The following ANKS1B variants were observed in gnomAD, a reference collection of about 807,000 sequenced individuals.
ANKS1B encodes the protein ankyrin repeat and sterile alpha motif domain-containing protein 1B.
In ANKS1B, 36 loss-of-function variants were observed where a neutral mutation model predicts 148.3. The observed-to-expected ratio is 0.24, with a 90% CI of 0.19 to 0.32. The LOEUF is 0.32. Ranked by LOEUF, ANKS1B falls within the 10% of genes least tolerant of loss-of-function variation. The pLI is 1.00. For missense variants in ANKS1B, 1,157 were observed against 1,542.6 expected (o/e 0.75, Z 4.19); for synonymous variants, 542 against 560.8 (o/e 0.97, Z 0.47).
chr12:99,511,407 A>T (rs1181073900), intron 9 of ANKS1B, among the ~76,000 whole-genome samples: 1 of 152,058 alleles, frequency 6.6e-6, no homozygotes. Context: ...GTTCAAGGAA[A>T]TCAGAGATGA....
intron 17 of ANKS1B, among the ~76,000 whole-genome samples, chr12:98,889,654 T>C (rs1350780804): frequency 6.6e-6 from 1 of 152,220 alleles, no homozygotes; most frequent in African/African-American, 2.4e-5. Context: ...CTTCAGGGCA[T>C]TTTTAAGAGC....
At chr12:99,295,163 G>A (rs2080691126) in intron 12 of ANKS1B, among the ~76,000 whole-genome samples, 1 of 152,134 alleles carries the variant, frequency 6.6e-6, no homozygotes, top group African/African-American at 2.4e-5. Flanking sequence ...ATTTTCCAAA[G>A]TGATTATACC....
chr12:99,528,426 C>CAAAAAAAAAAAAAAAAAAA (rs755022528), intron 9 of ANKS1B, among the ~76,000 whole-genome samples: 2 of 117,052 alleles, frequency 1.7e-5, no homozygotes, highest in East Asian at 5.7e-4. Flanking sequence ...AGAACAAAAA[C>CAAAAAAAAAAAAAAAAAAA]AAAAACAAAA....
At chr12:99,830,407 C>T (rs947473783) in intron 1 of ANKS1B, among the ~76,000 whole-genome samples, 3 of 151,784 alleles carry the variant, frequency 2.0e-5, no homozygotes, top group East Asian at 1.9e-4. Context: ...GAATATTTTA[C>T]GGAAAACTCA....
At chr12:99,649,288 G>C in intron 9 of ANKS1B, 1 of 1,612,436 alleles carries the variant, frequency 6.2e-7, no homozygotes, top group Non-Finnish European at 8.5e-7. Flanking sequence ...CTCTCCCTAG[G>C]GATATGCCAT....
intron 10 of ANKS1B, among the ~76,000 whole-genome samples, chr12:99,494,314 G>A (rs1458809453): frequency 6.6e-6 from 1 of 152,140 alleles, no homozygotes. Context: ...GAGAGCACGG[G>A]AATAAAGAGA....
chr12:99,807,644 T>C lies in ANKS1B; in HGVS notation c.373-944A>G, dbSNP rs114264319. Among the ~76,000 whole-genome samples, 405 of 152,300 alleles carry C rather than the reference T, an allele frequency of 2.7e-3. 1 individual carries two copies. The highest frequency in any genetic ancestry group is 8.7e-3 in the African/African-American group (362 of 41,556). On this transcript the variant is annotated intron_variant, in intron 3 of 26. Coordinates refer to ENST00000683438, the MANE Select transcript of ANKS1B (RefSeq NM_001352186.2). The stretch of plus-strand genomic sequence containing the variant: ...ATGTACTAGACATAGTTGCATTTTA[T>C]ATATGTTTACTCATTTAATCCTCAT...
At chr12:99,077,918 A>T (rs919013336) in intron 16 of ANKS1B, among the ~76,000 whole-genome samples, 4 of 152,204 alleles carry the variant, frequency 2.6e-5, no homozygotes, top group African/African-American at 9.7e-5. Context: ...GATTCTCTTC[A>T]TCTATGACAT....
chr12:99,542,051 C>T (rs2097131184), intron 9 of ANKS1B, among the ~76,000 whole-genome samples: 1 of 152,066 alleles, frequency 6.6e-6, no homozygotes, highest in South Asian at 2.1e-4. Flanking sequence ...CAACATTGTA[C>T]TGAAGGTTCT....
At chr12:99,819,802 AAAG>A (rs2153676613) in intron 2 of ANKS1B, among the ~76,000 whole-genome samples, 1 of 151,716 alleles carries the variant, frequency 6.6e-6, no homozygotes, top group African/African-American at 2.4e-5. Context: ...TAATGGATGA[AAAG>A]AAGAGAGGAG....
chr12:99,191,794 T>G (rs1472772493), intron 14 of ANKS1B, among the ~76,000 whole-genome samples: 1 of 152,126 alleles, frequency 6.6e-6, no homozygotes, highest in African/African-American at 2.4e-5. Context: ...TATACCTATG[T>G]AACAAACCTG....
At chr12:98,791,485 G>A (rs2098851701) in intron 22 of ANKS1B, among the ~76,000 whole-genome samples, 1 of 152,192 alleles carries the variant, frequency 6.6e-6, no homozygotes, top group South Asian at 2.1e-4. Context: ...TATTCACTAT[G>A]ACTCACGCAG....
At chr12:99,630,780 CT>C (rs1342948327) in intron 9 of ANKS1B, among the ~76,000 whole-genome samples, 1 of 152,186 alleles carries the variant, frequency 6.6e-6, no homozygotes, top group Non-Finnish European at 1.5e-5. Context: ...TGCCTTGGGA[CT>C]CTACAGCACG....
chr12:99,819,464 T>C (rs2082254384), intron 2 of ANKS1B, among the ~76,000 whole-genome samples: 1 of 151,828 alleles, frequency 6.6e-6, no homozygotes, highest in Admixed American at 6.6e-5. Flanking sequence ...GATAGCTTAT[T>C]ATATGGATTC....
In ANKS1B at chr12:98,744,489, A is replaced by G. The variant is rs989316370; in HGVS notation, c.*1250T>C. 4 of 623,206 alleles carry G rather than the reference A, an allele frequency of 6.4e-6. No homozygotes were observed. The highest frequency in any genetic ancestry group is 2.0e-5 in the African/African-American group (1 of 50,304). 38.6% of individuals were successfully genotyped at this position (623,206 alleles called of 1,614,324 possible). On this transcript the variant is annotated 3_prime_UTR_variant, in exon 27 of 27. Transcript: ENST00000683438. ...CATTAAAATGTTATTTTTTTCTATA[A>G]TGATATTGGTACTGTTTATATAATT...
intron 12 of ANKS1B, among the ~76,000 whole-genome samples, chr12:99,393,189 T>TA (rs1184736675): frequency 4.6e-5 from 7 of 151,972 alleles, no homozygotes; most frequent in South Asian, 2.1e-4. Flanking sequence ...CACCTCTATT[T>TA]AAAAAAAACT....
At chr12:99,830,491 C>A (rs538320359) in intron 1 of ANKS1B, among the ~76,000 whole-genome samples, 1 of 151,996 alleles carries the variant, frequency 6.6e-6, no homozygotes, top group Admixed American at 6.6e-5. Context: ...ATAATGGGAT[C>A]TACATACTAC....
At chr12:99,045,120 A>G (rs1210506807) in intron 17 of ANKS1B, among the ~76,000 whole-genome samples, 1 of 152,150 alleles carries the variant, frequency 6.6e-6, no homozygotes, top group Non-Finnish European at 1.5e-5. Context: ...GCATTTCTGA[A>G]ATGTATTATA....
At chr12:98,859,943 CTT>C (rs1023617490) in intron 17 of ANKS1B, among the ~76,000 whole-genome samples, 1 of 152,102 alleles carries the variant, frequency 6.6e-6, no homozygotes, top group Non-Finnish European at 1.5e-5. Context: ...AGGAAAAAAA[CTT>C]TATTGCACAG....
Sources: allele counts gnomAD v4.1 joint callset (sites outside exome capture counted in the v4.1 genomes callset), GRCh38; gene constraint gnomAD v4.1.1; transcripts MANE v1.5; gene names NCBI Gene and HGNC (gene_info 2026-07-23, HGNC 2026-07-21).